The following PSTPIP2 variants were observed in gnomAD, a reference collection of about 807,000 sequenced individuals.
The protein encoded by PSTPIP2 is proline-serine-threonine phosphatase-interacting protein 2.
A neutral mutation model predicts 63.3 loss-of-function variants in PSTPIP2; 33 were observed. The ratio of observed to expected loss-of-function variants is 0.52; its 90% CI spans 0.40 to 0.70. The LOEUF (loss-of-function observed/expected upper bound fraction) is 0.70, where lower values mean the gene tolerates loss of function less well. PSTPIP2 is among the 30% of genes least tolerant of loss of function. PSTPIP2 has a pLI of 0.00. For missense variants in PSTPIP2, 312 were observed against 400.7 expected (o/e 0.78, Z 1.89); for synonymous variants, 125 against 132.7 (o/e 0.94, Z 0.40).
At position 45,997,773 on chromosome 18, in the gene PSTPIP2, C is replaced by G. The variant is rs764434073; in HGVS notation, c.618G>C (p.Gln206His). 7 of 1,521,444 alleles carry G rather than the reference C, an allele frequency of 4.6e-6. No homozygotes were observed. The highest frequency in any genetic ancestry group is 6.2e-6 in the Non-Finnish European group (7 of 1,127,186). The allele number at this position is 1,521,444 out of a possible 1,614,324, so 94.2% of individuals were successfully genotyped here. A position where few individuals can be genotyped will look rare whatever the true frequency, so the allele number is the denominator to read the frequency against. Residue 206 changes from glutamine (Q) to histidine (H), a missense_variant, in exon 9 of 15, where the codon CAG becomes CAC. Coordinates refer to ENST00000409746, the MANE Select transcript of PSTPIP2 (RefSeq NM_024430.4). ...CCTCGCAGGCCTTGATGTGCTCACT[C>G]TGCCACTCTTCTCGGACCTTATCCA... ...GTLDKVREEW[Q>H]SEHIKACEAF...
At chr18:46,056,918 A>G (rs1000614283) in intron 1 of PSTPIP2, among the ~76,000 whole-genome samples, 1 of 152,134 alleles carries the variant, frequency 6.6e-6, no homozygotes, top group Non-Finnish European at 1.5e-5. Flanking sequence ...CCTGGCCAAC[A>G]TGGTGAAACT....
chr18:45,985,837 C>T (rs955303361), intron 14 of PSTPIP2, among the ~76,000 whole-genome samples: 10 of 150,124 alleles, frequency 6.7e-5, no homozygotes, highest in Non-Finnish European at 1.3e-4. Context: ...AGTGCAGTGG[C>T]GCAATCTCAG....
intron 2 of PSTPIP2, among the ~76,000 whole-genome samples, chr18:46,032,227 C>A (rs573970987): frequency 6.6e-6 from 1 of 152,238 alleles, no homozygotes; most frequent in Non-Finnish European, 1.5e-5. Context: ...TAGTGGTGCT[C>A]ATAATCTAGC....
Position 45,991,996 on chromosome 18 carries a change from C to T in PSTPIP2, c.839-13G>A, listed in dbSNP as rs370510475. On this transcript the variant is annotated splice_polypyrimidine_tract_variant and intron_variant, in intron 11 of 14. Transcript: ENST00000409746. ...TACATGATGGGTGCTAGGAGAGTCA[C>T]CAAGAAACAGGACATGAAGAGGCAG... The T allele has an allele frequency of 6.0e-5, 96 of 1,606,902 alleles. No homozygotes were observed. The highest frequency in any genetic ancestry group is 7.7e-5 in the Non-Finnish European group (90 of 1,173,844).
At chr18:46,048,231 G>A (rs147683792) in intron 1 of PSTPIP2, among the ~76,000 whole-genome samples, 144 of 152,334 alleles carry the variant, frequency 9.5e-4, no homozygotes, top group African/African-American at 3.4e-3. Flanking sequence ...CAGGTGGCTT[G>A]AAGATGGAGG....
chr18:46,034,216 A>G (rs1907886065), intron 2 of PSTPIP2, among the ~76,000 whole-genome samples: 1 of 152,132 alleles, frequency 6.6e-6, no homozygotes, highest in South Asian at 2.1e-4. Context: ...GATCCCCTAG[A>G]GTATAGGTAT....
chr18:46,046,332 G>A (rs569313172), intron 1 of PSTPIP2, among the ~76,000 whole-genome samples: 21 of 152,316 alleles, frequency 1.4e-4, no homozygotes, highest in African/African-American at 4.6e-4. Context: ...TACGGGTCCC[G>A]CTGCTGAGCA....
At chr18:46,056,465 G>A (rs760471401) in intron 1 of PSTPIP2, among the ~76,000 whole-genome samples, 9 of 152,256 alleles carry the variant, frequency 5.9e-5, no homozygotes, top group Non-Finnish European at 8.8e-5. Context: ...TGTAATCCTA[G>A]TGCTTTGGGA....
chr18:46,006,327 T>A (rs2051724649), intron 5 of PSTPIP2, among the ~76,000 whole-genome samples: 1 of 146,008 alleles, frequency 6.8e-6, no homozygotes, highest in African/African-American at 2.5e-5. Context: ...GTGCTGGGAT[T>A]ACAGGTATGA....
At chr18:46,046,578 T>C (rs913155541) in intron 1 of PSTPIP2, among the ~76,000 whole-genome samples, 2 of 152,124 alleles carry the variant, frequency 1.3e-5, no homozygotes, top group African/African-American at 4.8e-5. Flanking sequence ...AGTTTGACAA[T>C]TGTGGCCATA....
chr18:46,037,148 GT>G (rs1908011207), intron 2 of PSTPIP2, among the ~76,000 whole-genome samples: 1 of 152,048 alleles, frequency 6.6e-6, no homozygotes, highest in African/African-American at 2.4e-5. Context: ...ATTTTTGTTT[GT>G]TTGTTTTTTG....
chr18:45,987,501 G>A (rs938594092), intron 14 of PSTPIP2, among the ~76,000 whole-genome samples: 1 of 103,658 alleles, frequency 9.6e-6, no homozygotes, highest in Non-Finnish European at 1.9e-5. Context: ...CAGAAGTGTA[G>A]CTCAGTCCAC....
At chr18:46,000,568 A>G (rs1447212173) in intron 6 of PSTPIP2, among the ~76,000 whole-genome samples, 2 of 152,132 alleles carry the variant, frequency 1.3e-5, no homozygotes, top group African/African-American at 2.4e-5. Context: ...GGGTTTCACT[A>G]TGTTGGCCAG....
At chr18:46,028,659 A>G (rs1907680667) in intron 2 of PSTPIP2, 1 of 841,134 alleles carries the variant, frequency 1.2e-6, no homozygotes, top group African/African-American at 1.7e-5. Flanking sequence ...AGATGAGGAA[A>G]TGGTTGACAT....
At chr18:46,008,310 TTTTTTA>T (rs752511743) in intron 5 of PSTPIP2, among the ~76,000 whole-genome samples, 10 of 152,072 alleles carry the variant, frequency 6.6e-5, no homozygotes, top group Non-Finnish European at 2.9e-5. Context: ...CTGTATTCTA[TTTTTTA>T]TTTTTATTTT....
In PSTPIP2 at chr18:46,059,235, A is replaced by G. The variant is rs1007668283; in HGVS notation, c.33+12921T>C. ...TATTTTTAATGGAGACAGTGTTTCAACGTGATGGCCAGGCAGGTCTTTTTT... is the reference window on the plus strand; with the variant it reads ...TATTTTTAATGGAGACAGTGTTTCAGCGTGATGGCCAGGCAGGTCTTTTTT... On this transcript the variant is annotated intron_variant, in intron 1 of 14. Transcript: ENST00000409746. Among the ~76,000 whole-genome samples, 25 of 151,136 alleles carry G rather than the reference A, an allele frequency of 1.7e-4. No homozygotes were observed. In the East Asian group the frequency reaches 4.5e-3, roughly 27 times the overall value.
intron 1 of PSTPIP2, among the ~76,000 whole-genome samples, chr18:46,046,498 T>C (rs532793323): frequency 3.3e-5 from 5 of 152,218 alleles, no homozygotes; most frequent in Non-Finnish European, 7.4e-5. Context: ...CCAGCCCTGC[T>C]AATTCTGAAC....
rs545295436 is a variant in PSTPIP2, at chr18:46,012,415, A to G, written c.248-1128T>C. Among the ~76,000 whole-genome samples, 686 of 152,366 alleles carry G rather than the reference A, an allele frequency of 4.5e-3. 4 individuals carry two copies. The highest frequency in any genetic ancestry group is 5.9e-3 in the Non-Finnish European group (400 of 68,046). On this transcript the variant is annotated intron_variant, in intron 4 of 14. Transcript: ENST00000409746. ...TATTGTTAAGTAAAACAAACTATAG[A>G]GAGAGATGTATAGTATAACAGCATA... is the stretch of plus-strand genomic sequence containing the variant.
chr18:46,050,483 G>A (rs1302138988), intron 1 of PSTPIP2, among the ~76,000 whole-genome samples: 1 of 152,090 alleles, frequency 6.6e-6, no homozygotes, highest in Non-Finnish European at 1.5e-5. Context: ...AAGGTGAGAG[G>A]TCGAGGCTGA....
Sources: allele counts gnomAD v4.1 joint callset (sites outside exome capture counted in the v4.1 genomes callset), GRCh38; gene constraint gnomAD v4.1.1; transcripts MANE v1.5; gene names NCBI Gene and HGNC (gene_info 2026-07-23, HGNC 2026-07-21).